The following XKR9 variants were observed in gnomAD, a reference collection of about 807,000 sequenced individuals.
XKR9 encodes the protein XK-related protein 9.
A neutral mutation model predicts 32.0 loss-of-function variants in XKR9; 32 were observed. That is an observed-to-expected ratio of 1.00 (90% CI 0.76 to 1.34). The LOEUF (loss-of-function observed/expected upper bound fraction) is 1.34, where lower values mean the gene tolerates loss of function less well. XKR9 is among the 40% of genes most tolerant of loss of function. The pLI is 0.00. For synonymous variants in XKR9, 168 were observed against 143.4 expected, an observed-to-expected ratio of 1.17 and a Z score of -1.22; for missense variants, 546 against 429.7, an observed-to-expected ratio of 1.27 and a Z score of -2.39.
chr8:71,027,439 A>G, the XKR9 span, among the ~76,000 whole-genome samples: 1 of 147,952 alleles, frequency 6.8e-6, no homozygotes, highest in African/African-American at 2.5e-5. Context: ...ATTTAATAAT[A>G]CTAACTTTTA....
the XKR9 span, among the ~76,000 whole-genome samples, chr8:70,799,468 C>G: frequency 6.6e-6 from 1 of 151,992 alleles, no homozygotes; most frequent in Non-Finnish European, 1.5e-5. Context: ...GTAGCTGGGA[C>G]TACTGGTGCG....
chr8:70,932,938 G>A, the XKR9 span, among the ~76,000 whole-genome samples: 21 of 152,246 alleles, frequency 1.4e-4, no homozygotes, highest in African/African-American at 5.1e-4. Flanking sequence ...ACGGACCCTA[G>A]CTTTCAGTTC....
chr8:70,711,377 A>T (rs1805914486), intron 4 of XKR9, among the ~76,000 whole-genome samples: 1 of 152,208 alleles, frequency 6.6e-6, no homozygotes, highest in Non-Finnish European at 1.5e-5. Flanking sequence ...ATCAACCTAG[A>T]TGTCAATCAG....
chr8:71,004,998 C>CTTTTTTTTTTTTTT, the XKR9 span, among the ~76,000 whole-genome samples: 2 of 48,206 alleles, frequency 4.1e-5, no homozygotes, highest in Non-Finnish European at 8.4e-5. Flanking sequence ...TTAATCTATG[C>CTTTTTTTTTTTTTT]TTTTTTTTTT....
In XKR9 at chr8:70,734,026, G is replaced by A; in HGVS notation, c.724G>A (p.Gly242Ser). 6.2e-7 allele frequency: 1 copy of A among 1,612,878 alleles called. No homozygotes were observed. The highest frequency in any genetic ancestry group is 2.2e-5 in the East Asian group (1 of 44,804). Reference sequence around the variant, plus strand: ...TCTGTTGTTATTTCTTTGGTTGTTAGGTATAATATGGGCATTTAAAAACAA... The same window carrying A: ...TCTGTTGTTATTTCTTTGGTTGTTAAGTATAATATGGGCATTTAAAAACAA... ...LFLLLFLWLL[G>S]IIWAFKNNTQ... The change falls in exon 5 of 5, where the codon GGT (glycine) becomes AGT (serine). Residue 242 changes from glycine to serine, a missense_variant. Coordinates refer to ENST00000408926, the MANE Select transcript of XKR9 (RefSeq NM_001011720.2).
At chr8:70,921,901 C>A in the XKR9 span, among the ~76,000 whole-genome samples, 2 of 151,908 alleles carry the variant, frequency 1.3e-5, no homozygotes, top group Non-Finnish European at 1.5e-5. Context: ...CAGCTTAGGA[C>A]TAGAAGAATT....
the XKR9 span, among the ~76,000 whole-genome samples, chr8:70,902,642 T>G: frequency 6.6e-6 from 1 of 152,206 alleles, no homozygotes; most frequent in Non-Finnish European, 1.5e-5. Context: ...TACTGCCTGA[T>G]TGCCCTGGCC....
At chr8:70,817,894 A>T in the XKR9 span, among the ~76,000 whole-genome samples, 3 of 152,236 alleles carry the variant, frequency 2.0e-5, no homozygotes, top group African/African-American at 7.2e-5. Context: ...CGGTGCTGTG[A>T]TAACTGGCTA....
chr8:70,824,198 C>T, the XKR9 span, among the ~76,000 whole-genome samples: 5 of 152,154 alleles, frequency 3.3e-5, no homozygotes, highest in African/African-American at 1.2e-4. Flanking sequence ...TAGAAAAATA[C>T]TATCTAATCA....
At chr8:71,050,270 GATAGATATAGAT>G in the XKR9 span, among the ~76,000 whole-genome samples, 101 of 123,710 alleles carry the variant, frequency 8.2e-4, no homozygotes, top group African/African-American at 2.1e-3. Flanking sequence ...TAGATAGATA[GATAGATATAGAT>G]ATAGATATAG....
chr8:70,669,589 A>G (rs918637071), intron 1 of XKR9, 51 bp downstream of exon 1: 1 of 180,426 alleles, frequency 5.5e-6, no homozygotes, highest in Non-Finnish European at 1.1e-5. Context: ...GGATTGCCAG[A>G]TTTTTAGGCA....
intron 1 of XKR9, among the ~76,000 whole-genome samples, chr8:70,674,547 T>A (rs1263614833): frequency 6.6e-6 from 1 of 152,268 alleles, no homozygotes; most frequent in African/African-American, 2.4e-5. Context: ...CATGACATGT[T>A]ATCCATTTGG....
chr8:70,869,446 C>G, the XKR9 span, among the ~76,000 whole-genome samples: 1 of 152,138 alleles, frequency 6.6e-6, no homozygotes, highest in African/African-American at 2.4e-5. Flanking sequence ...CAAACTCCAC[C>G]TTTTAAAGCC....
intron 3 of XKR9, among the ~76,000 whole-genome samples, chr8:70,704,303 C>T (rs147569549): frequency 6.6e-6 from 1 of 152,004 alleles, no homozygotes; most frequent in East Asian, 1.9e-4. Context: ...CTCAGATAAG[C>T]AGAACTTTGT....
chr8:70,889,099 A>T, the XKR9 span, among the ~76,000 whole-genome samples: 1 of 151,490 alleles, frequency 6.6e-6, no homozygotes, highest in Non-Finnish European at 1.5e-5. Context: ...ATTTCTTCTC[A>T]TTTTTTTGTG....
At chr8:70,837,722 ACTC>A in the XKR9 span, among the ~76,000 whole-genome samples, 1 of 151,958 alleles carries the variant, frequency 6.6e-6, no homozygotes, top group Admixed American at 6.6e-5. Flanking sequence ...AATTATTGTT[ACTC>A]TTGGATTTCA....
At chr8:70,674,412 A>G (rs556935382) in intron 1 of XKR9, among the ~76,000 whole-genome samples, 1 of 152,344 alleles carries the variant, frequency 6.6e-6, no homozygotes, top group Admixed American at 6.5e-5. Flanking sequence ...TTTTGGGAAT[A>G]CAGACCAACA....
At chr8:70,765,068 T>C (rs771647229) in intron 2 of XKR9, among the ~76,000 whole-genome samples, 3 of 152,210 alleles carry the variant, frequency 2.0e-5, no homozygotes, top group African/African-American at 4.8e-5. Context: ...TGCATGTGAC[T>C]TTATAGTAGA....
Position 70,687,495 on chromosome 8 carries a change from G to A in XKR9, c.272+6165G>A, listed in dbSNP as rs1819342412. 3.3e-5 allele frequency among the ~76,000 whole-genome samples: 5 copies of A among 151,874 alleles called. No homozygotes were observed. The South Asian group carries it at 1.0e-3, about 32-fold the overall frequency. ...GGTGATCTTCCCATCTCAGCCACCT[G>A]AGTTGCTAGCATTACAGGCATGTGC... is the stretch of plus-strand genomic sequence containing the variant. On this transcript the variant is annotated intron_variant, in intron 3 of 4. Transcript: ENST00000408926.
Sources: allele counts gnomAD v4.1 joint callset (sites outside exome capture counted in the v4.1 genomes callset), GRCh38; gene constraint gnomAD v4.1.1; transcripts MANE v1.5; gene names NCBI Gene and HGNC (gene_info 2026-07-23, HGNC 2026-07-21).